PLS1: variants seen among roughly 807,000 people sequenced by gnomAD.
PLS1 encodes plastin 1.
In PLS1, 32 loss-of-function variants were observed where a neutral mutation model predicts 73.7. The observed-to-expected ratio is 0.43, with a 90% CI of 0.33 to 0.58. The LOEUF (loss-of-function observed/expected upper bound fraction) is 0.58. Among genes scored for constraint, PLS1 ranks in the 20% least tolerant of loss-of-function variants. The pLI is 0.04. For synonymous variants in PLS1, 217 were observed against 261.3 expected (o/e 0.83, Z 1.63); for missense variants, 633 against 740.5 (o/e 0.85, Z 1.68).
In PLS1 at chr3:142,694,512, C is replaced by T. The variant is rs377446712; in HGVS notation, c.1221C>T (p.Ser407=). 3.7e-6 allele frequency: 6 copies of T among 1,604,708 alleles called. No homozygotes were observed. The highest frequency in any genetic ancestry group is 1.3e-5 in the African/African-American group (1 of 74,660). ...EERTFRNWMN[S]LGVNPYINHL... ...GAACATTTCGGAACTGGATGAATTC[C>T]TTGGGAGTCAACCCATACATTAATC... The change falls in exon 11 of 16, where the codon TCC becomes TCT. Residue 407 remains serine, a synonymous_variant. Coordinates refer to ENST00000457734, the MANE Select transcript of PLS1 (RefSeq NM_001145319.2).
intron 5 of PLS1, among the ~76,000 whole-genome samples, chr3:142,677,636 T>C (rs1457422899): frequency 6.6e-6 from 1 of 151,160 alleles, no homozygotes; most frequent in Non-Finnish European, 1.5e-5. Flanking sequence ...AGAGGTAGAC[T>C]CCCTCTTAAA....
At chr3:142,701,985 C>T (rs536414583) in intron 12 of PLS1, among the ~76,000 whole-genome samples, 6 of 152,266 alleles carry the variant, frequency 3.9e-5, no homozygotes, top group African/African-American at 1.4e-4. Context: ...TTCTTTTAAG[C>T]GGGCTAAGCC....
chr3:142,617,294 C>G (rs1356962665), intron 1 of PLS1, among the ~76,000 whole-genome samples: 1 of 151,914 alleles, frequency 6.6e-6, no homozygotes, highest in African/African-American at 2.4e-5. Flanking sequence ...AAGCTTGTTT[C>G]CATTAAATGT....
chr3:142,670,639 G>A (rs1411826776), intron 3 of PLS1, among the ~76,000 whole-genome samples: 1 of 152,190 alleles, frequency 6.6e-6, no homozygotes, highest in Non-Finnish European at 1.5e-5. Context: ...GAATGCATTT[G>A]AGATGTTCAG....
At chr3:142,667,738 T>A (rs535680992) in intron 2 of PLS1, among the ~76,000 whole-genome samples, 1 of 152,330 alleles carries the variant, frequency 6.6e-6, no homozygotes, top group Admixed American at 6.5e-5. Flanking sequence ...CTCAGTCTTG[T>A]TTATTTTAAA....
chr3:142,645,312 A>G (rs1415045395), intron 1 of PLS1: 4 of 152,166 alleles, frequency 2.6e-5, no homozygotes, highest in African/African-American at 9.7e-5. Flanking sequence ...CCAGCGTTGG[A>G]TTGTGTAGGT....
At chr3:142,642,942 C>G (rs1033952406) in intron 1 of PLS1, among the ~76,000 whole-genome samples, 1 of 152,080 alleles carries the variant, frequency 6.6e-6, no homozygotes, top group Non-Finnish European at 1.5e-5. Flanking sequence ...CTGCCTACCC[C>G]ACCACCATCC....
chr3:142,697,430 A>G (rs1285194018), intron 11 of PLS1, among the ~76,000 whole-genome samples: 9 of 152,314 alleles, frequency 5.9e-5, no homozygotes, highest in African/African-American at 2.2e-4. Context: ...TTACTCTCTC[A>G]TACTCCCCTT....
intron 6 of PLS1, among the ~76,000 whole-genome samples, chr3:142,681,639 C>T (rs1326822549): frequency 6.6e-6 from 1 of 152,168 alleles, no homozygotes; most frequent in African/African-American, 2.4e-5. Flanking sequence ...CCCTACTCTC[C>T]CTATCTTTCC....
intron 2 of PLS1, among the ~76,000 whole-genome samples, chr3:142,665,931 G>A (rs2037470892): frequency 6.6e-6 from 1 of 152,100 alleles, no homozygotes; most frequent in African/African-American, 2.4e-5. Flanking sequence ...TTGAGAGCAA[G>A]ATAATTTGTT....
chr3:142,601,392 A>T (rs968455402), intron 1 of PLS1, among the ~76,000 whole-genome samples: 1 of 152,096 alleles, frequency 6.6e-6, no homozygotes, highest in Admixed American at 6.6e-5. Flanking sequence ...TATCTTTCTT[A>T]AAATAATAAT....
At chr3:142,655,007 C>T (rs1174804443) in intron 1 of PLS1, 1 of 152,022 alleles carries the variant, frequency 6.6e-6, no homozygotes, top group Non-Finnish European at 1.5e-5. Context: ...CCCACATATA[C>T]AACACAAGGC....
At chr3:142,699,032 A>C (rs761997822) in intron 12 of PLS1, among the ~76,000 whole-genome samples, 1 of 152,226 alleles carries the variant, frequency 6.6e-6, no homozygotes, top group Admixed American at 6.5e-5. Flanking sequence ...GTTCTCACTC[A>C]TAAGTGGGAG....
chr3:142,700,506 G>A (rs1257474364), intron 12 of PLS1, among the ~76,000 whole-genome samples: 1 of 152,018 alleles, frequency 6.6e-6, no homozygotes, highest in Non-Finnish European at 1.5e-5. Flanking sequence ...TGTATTTTTA[G>A]TACAGACGGG....
intron 1 of PLS1, among the ~76,000 whole-genome samples, chr3:142,622,661 G>T (rs1033819304): frequency 2.0e-5 from 3 of 152,150 alleles, no homozygotes; most frequent in Non-Finnish European, 4.4e-5. Context: ...CAGTGAAAAT[G>T]CATTATACAT....
chr3:142,671,258 A>T, intron 4 of PLS1, 136 bp downstream of exon 4: 1 of 737,700 alleles, frequency 1.4e-6, no homozygotes, highest in Non-Finnish European at 2.4e-6. Context: ...AAAATACTGC[A>T]GACCACAGTA....
At chr3:142,603,337 TCTTA>T (rs778847194) in intron 1 of PLS1, among the ~76,000 whole-genome samples, 1 of 152,238 alleles carries the variant, frequency 6.6e-6, no homozygotes, top group East Asian at 1.9e-4. Flanking sequence ...GAGAGTTTTT[TCTTA>T]CTTAAAACAC....
intron 1 of PLS1, among the ~76,000 whole-genome samples, chr3:142,639,867 G>A (rs553556209): frequency 5.3e-5 from 8 of 152,238 alleles, no homozygotes; most frequent in African/African-American, 1.7e-4. Context: ...CCCCTATGAT[G>A]TTTGACATAG....
chr3:142,684,142 T>A lies in PLS1; in HGVS notation c.716T>A (p.Phe239Tyr). 1 of 1,614,132 alleles carries A rather than the reference T, an allele frequency of 6.2e-7. No individual in the cohort carries two copies. The highest frequency in any genetic ancestry group is 8.5e-7 in the Non-Finnish European group (1 of 1,179,998). ...LLWQIIKVGL[F>Y]ADIEISRNEA... ...TGGCAGATCATCAAAGTTGGCCTTT[T>A]TGCTGATATTGAGATTTCCAGGAAT... is the stretch of plus-strand genomic sequence containing the variant. Residue 239 changes from phenylalanine (F) to tyrosine (Y), a missense_variant, in exon 7 of 16, where the codon TTT becomes TAT. By Grantham distance (22) the Phe-to-Tyr change is conservative. Transcript: ENST00000457734.
Sources: allele counts gnomAD v4.1 joint callset (sites outside exome capture counted in the v4.1 genomes callset), GRCh38; gene constraint gnomAD v4.1.1; transcripts MANE v1.5; gene names NCBI Gene and HGNC (gene_info 2026-07-23, HGNC 2026-07-21).